Variants in VPS13B observed in about 807,000 individuals in gnomAD.
The protein encoded by VPS13B is vacuolar protein sorting 13 homolog B.
VPS13B carries 285 observed loss-of-function variants against 426.4 expected under a neutral mutation model. The observed-to-expected ratio is 0.67, with a 90% CI of 0.61 to 0.74. The LOEUF (loss-of-function observed/expected upper bound fraction) is 0.74. Ranked by LOEUF, VPS13B falls within the 30% of genes least tolerant of loss-of-function variation. VPS13B has a pLI of 0.00. For synonymous variants in VPS13B, 1,676 were observed against 1,676.4 expected (o/e 1.00, Z 0.01); for missense variants, 4,537 against 4,782.6 (o/e 0.95, Z 1.51).
At chr8:99,690,031 C>CT (rs747888157) in intron 35 of VPS13B, among the ~76,000 whole-genome samples, 59 of 151,894 alleles carry the variant, frequency 3.9e-4, no homozygotes, top group African/African-American at 1.3e-3. Flanking sequence ...AAAATTGCAC[C>CT]TTTTTTTTAT....
chr8:99,431,591 G>T lies in VPS13B; in HGVS notation c.3137G>T (p.Cys1046Phe). 1.2e-6 allele frequency: 2 copies of T among 1,613,504 alleles called. No individual in the cohort carries two copies. The highest frequency in any genetic ancestry group is 1.7e-6 in the Non-Finnish European group (2 of 1,179,744). The change falls in exon 22 of 62, where the codon TGT (cysteine) becomes TTT (phenylalanine). Residue 1046 changes from cysteine (C) to phenylalanine (F), a missense_variant. Physicochemically the swap from Cys to Phe is radical, Grantham distance 205. Transcript: ENST00000357162. ...GCCATGTTGAATATATCTGAAAGCT[G>T]TAGAAGTCCTGAAGAAAGAATGAAG... ...VKAMLNISESCRSPEERMKEF... is the reference protein window; with the variant it reads ...VKAMLNISESFRSPEERMKEF...
Position 99,736,219 on chromosome 8 carries a change from TA to T in VPS13B, c.7050+15173del, listed in dbSNP as rs1420334670. Among the ~76,000 whole-genome samples, 4 of 152,240 alleles carry T rather than the reference TA, an allele frequency of 2.6e-5. No homozygotes were observed. In the East Asian group the frequency reaches 5.8e-4, roughly 22 times the overall value. On this transcript the variant is annotated intron_variant, in intron 39 of 61. Coordinates refer to ENST00000357162, the MANE Select transcript of VPS13B (RefSeq NM_152564.5). Reference sequence around the variant, plus strand: ...GGAGGGGGTTGTTTTTAGGAGGGGTTATAGGTAGAGAGTTGAGTGCTAAGAT... The same window carrying T: ...GGAGGGGGTTGTTTTTAGGAGGGGTTTAGGTAGAGAGTTGAGTGCTAAGAT...
intron 39 of VPS13B, among the ~76,000 whole-genome samples, chr8:99,735,255 T>A (rs1450706464): frequency 6.6e-6 from 1 of 152,206 alleles, no homozygotes; most frequent in Non-Finnish European, 1.5e-5. Context: ...GTAATTTTAA[T>A]GGGTTGAACA....
At chr8:99,112,846 A>G (rs571216583) in intron 6 of VPS13B, among the ~76,000 whole-genome samples, 39 of 152,322 alleles carry the variant, frequency 2.6e-4, no homozygotes, top group South Asian at 8.3e-4. Flanking sequence ...GTGTTGGCAT[A>G]TAAGTAAGTT....
chr8:99,733,351 G>A (rs1387181366), intron 39 of VPS13B, among the ~76,000 whole-genome samples: 2 of 152,176 alleles, frequency 1.3e-5, no homozygotes, highest in Non-Finnish European at 2.9e-5. Flanking sequence ...CAAATCCAAG[G>A]TCAGCTGGTG....
chr8:99,533,805 A>G (rs1823053127), intron 30 of VPS13B, among the ~76,000 whole-genome samples: 1 of 152,154 alleles, frequency 6.6e-6, no homozygotes, highest in Non-Finnish European at 1.5e-5. Flanking sequence ...ATGTATCTTT[A>G]TGGTTTCTCC....
At chr8:99,057,675 C>A (rs760553305) in intron 3 of VPS13B, among the ~76,000 whole-genome samples, 6 of 152,122 alleles carry the variant, frequency 3.9e-5, no homozygotes, top group Non-Finnish European at 7.4e-5. Context: ...ACCTATATGT[C>A]CCATAGAATG....
At chr8:99,596,022 G>C (rs1456103997) in intron 33 of VPS13B, among the ~76,000 whole-genome samples, 1 of 151,894 alleles carries the variant, frequency 6.6e-6, no homozygotes, top group Non-Finnish European at 1.5e-5. Flanking sequence ...GTTTCGACAA[G>C]AATGTGGAAA....
At chr8:99,166,841 G>A (rs1222039217) in intron 15 of VPS13B, among the ~76,000 whole-genome samples, 1 of 152,188 alleles carries the variant, frequency 6.6e-6, no homozygotes, top group African/African-American at 2.4e-5. Flanking sequence ...TCAAAACAGT[G>A]TGGTACTGTT....
At chr8:99,349,332 C>CAAAAAAAAAAAAAAAAAAAAAA (rs35441676) in intron 19 of VPS13B, among the ~76,000 whole-genome samples, 1 of 47,732 alleles carries the variant, frequency 2.1e-5, no homozygotes, top group African/African-American at 1.0e-4. Flanking sequence ...GACTCCGTCT[C>CAAAAAAAAAAAAAAAAAAAAAA]AAAAAAAAAA....
At chr8:99,472,558 C>G (rs1023189145) in intron 24 of VPS13B, among the ~76,000 whole-genome samples, 1 of 151,056 alleles carries the variant, frequency 6.6e-6, no homozygotes, top group Admixed American at 6.6e-5. Flanking sequence ...GGAAATATAA[C>G]TTTAAAGACA....
At position 99,136,741 on chromosome 8, in the gene VPS13B, C is replaced by G. The variant is rs765362472; in HGVS notation, c.1640C>G (p.Thr547Ser). The G allele has an allele frequency of 3.1e-6, 5 of 1,613,384 alleles. No homozygotes were observed. The highest frequency in any genetic ancestry group is 4.2e-6 in the Non-Finnish European group (5 of 1,179,616). The change falls in exon 12 of 62, where the codon ACT becomes AGT. Residue 547 changes from threonine (T) to serine (S), a missense_variant. Physicochemically the swap from Thr to Ser is moderately conservative, Grantham distance 58 (BLOSUM62 1). Coordinates refer to ENST00000357162, the MANE Select transcript of VPS13B (RefSeq NM_152564.5). The part of the protein sequence containing the change: ...YMDYLYTMEN[T>S]SGKGSTNQQD... ...GATTACCTGTATACAATGGAGAACA[C>G]TAGTGGCAAAGGTATTGGCTTCTTT...
intron 35 of VPS13B, chr8:99,697,405 C>A (rs913611288): frequency 6.3e-6 from 4 of 639,350 alleles, no homozygotes; most frequent in Admixed American, 5.1e-5. Flanking sequence ...CTGAAGGACA[C>A]TGCCCCCTGC....
At chr8:99,837,654 T>C (rs745381827) in intron 54 of VPS13B, among the ~76,000 whole-genome samples, 1 of 152,156 alleles carries the variant, frequency 6.6e-6, no homozygotes. Flanking sequence ...CATTAATCTT[T>C]TAGGAGCTGT....
chr8:99,205,807 G>C (rs1205321660), intron 17 of VPS13B, among the ~76,000 whole-genome samples: 1 of 152,164 alleles, frequency 6.6e-6, no homozygotes, highest in Non-Finnish European at 1.5e-5. Context: ...CACTGACTAA[G>C]TCATTTTTTG....
chr8:99,719,568 C>T (rs902265212), intron 37 of VPS13B, among the ~76,000 whole-genome samples: 1 of 152,110 alleles, frequency 6.6e-6, no homozygotes, highest in Non-Finnish European at 1.5e-5. Context: ...ACCTGGTTCT[C>T]TTAGAATTGA....
Position 99,853,510 on chromosome 8 carries a change from TTGA to T in VPS13B, c.10125_10127del (p.Asp3376del). 1 of 1,614,208 alleles carries T rather than the reference TTGA, an allele frequency of 6.2e-7. No homozygotes were observed. Among genetic ancestry groups the T allele is most frequent in the Non-Finnish European group, 8.5e-7 (1 of 1,180,036 alleles). ...ATCACTCAGTTAAGCCTGGCAGTGT[TTGA>T]TGACCTCACCCACCACAAAGCATCA... On this transcript the variant is annotated inframe_deletion, in exon 56 of 62. Coordinates refer to ENST00000357162, the MANE Select transcript of VPS13B (RefSeq NM_152564.5).
chr8:99,640,058 A>AGAAGAAGAAGAAG (rs1400114054), intron 33 of VPS13B, among the ~76,000 whole-genome samples: 6 of 68,434 alleles, frequency 8.8e-5, no homozygotes, highest in African/African-American at 3.4e-4. Flanking sequence ...AGAGAAAAGA[A>AGAAGAAGAAGAAG]AAGAAAAGAA....
intron 33 of VPS13B, among the ~76,000 whole-genome samples, chr8:99,618,281 T>TC (rs1367198490): frequency 1.7e-5 from 2 of 117,812 alleles, no homozygotes; most frequent in African/African-American, 6.7e-5. Flanking sequence ...TGTGTATATT[T>TC]CAAAAAAAAA....
Sources: gnomAD v4.1 joint callset for allele counts (sites outside exome capture counted in the v4.1 genomes callset) on GRCh38, gnomAD v4.1.1 for gene constraint, MANE v1.5 for transcripts, NCBI Gene and HGNC (gene_info 2026-07-23, HGNC 2026-07-21) for gene names.